Variants in CNOT10 observed in about 807,000 individuals in gnomAD.
CNOT10 encodes CCR4-NOT transcription complex, subunit 10.
A neutral mutation model predicts 94.6 loss-of-function variants in CNOT10; 30 were observed. The observed-to-expected ratio is 0.32, with a 90% CI of 0.24 to 0.43. The LOEUF (loss-of-function observed/expected upper bound fraction) is 0.43. Among genes scored for constraint, CNOT10 ranks in the 20% least tolerant of loss-of-function variants. The pLI, the probability that CNOT10 is intolerant of heterozygous loss-of-function variation, is 1.00. For missense variants in CNOT10, 759 were observed against 877.2 expected (o/e 0.87, Z 1.70); for synonymous variants, 289 against 301.6 (o/e 0.96, Z 0.43).
At chr3:32,756,240 C>G (rs1168686448) in intron 13 of CNOT10, among the ~76,000 whole-genome samples, 1 of 152,144 alleles carries the variant, frequency 6.6e-6, no homozygotes, top group Non-Finnish European at 1.5e-5. Flanking sequence ...CCTGATGGCT[C>G]TTAATCAGAA....
At chr3:32,716,648 G>GT (rs1698135593) in intron 6 of CNOT10, among the ~76,000 whole-genome samples, 1 of 151,912 alleles carries the variant, frequency 6.6e-6, no homozygotes, top group African/African-American at 2.4e-5. Context: ...GAGTATTTAA[G>GT]TTTTTTGTTT....
intron 11 of CNOT10, among the ~76,000 whole-genome samples, chr3:32,734,487 C>T (rs1461340561): frequency 4.6e-5 from 7 of 152,096 alleles, no homozygotes; most frequent in African/African-American, 1.4e-4. Context: ...TTACAGTTGC[C>T]CTTGTCTGCA....
intron 1 of CNOT10, among the ~76,000 whole-genome samples, chr3:32,687,495 A>T (rs1391969344): frequency 9.2e-6 from 1 of 109,188 alleles, no homozygotes; most frequent in Non-Finnish European, 1.7e-5. Flanking sequence ...TCTGTCACCC[A>T]GGCTGGAGTG....
At position 32,762,882 on chromosome 3, in the gene CNOT10, G is replaced by A; in HGVS notation, c.1840+19G>A. The A allele has an allele frequency of 5.3e-6, 8 of 1,516,878 alleles. No individual in the cohort carries two copies. Among genetic ancestry groups the A allele is most frequent in the Non-Finnish European group, 7.0e-6 (8 of 1,142,946 alleles). 94.0% of individuals were successfully genotyped at this position (1,516,878 alleles called of 1,614,324 possible). On this transcript the variant is annotated intron_variant, in intron 15 of 18. Coordinates refer to ENST00000328834, the MANE Select transcript of CNOT10 (RefSeq NM_015442.3). ...GACCAAGGTTAATGAGGACATCTTT[G>A]ATCAGAACTGGTCACTGTTTCCATT...
chr3:32,700,468 G>A (rs1380142343), intron 1 of CNOT10, among the ~76,000 whole-genome samples: 1 of 152,186 alleles, frequency 6.6e-6, no homozygotes, highest in Non-Finnish European at 1.5e-5. Flanking sequence ...AAAATTGTCT[G>A]TACGTCACTG....
At chr3:32,759,317 T>C in intron 13 of CNOT10, 141 bp from the exon 14 acceptor site, 1 of 616,820 alleles carries the variant, frequency 1.6e-6, no homozygotes, top group Non-Finnish European at 2.9e-6. Context: ...ATCTAATTCT[T>C]ACCATTAGTA....
At chr3:32,764,623 G>T (rs1172434238) in intron 16 of CNOT10, 59 bp from the exon 17 acceptor site, 4 of 1,606,724 alleles carry the variant, frequency 2.5e-6, no homozygotes, top group Non-Finnish European at 2.6e-6. Flanking sequence ...CGATAGATTG[G>T]GTTGCTTCCT....
chr3:32,698,682 A>G (rs915227400), intron 1 of CNOT10, among the ~76,000 whole-genome samples: 3 of 152,222 alleles, frequency 2.0e-5, no homozygotes, highest in African/African-American at 7.2e-5. Flanking sequence ...TCTTTTAATT[A>G]TGTCATATTG....
intron 18 of CNOT10, among the ~76,000 whole-genome samples, chr3:32,771,698 A>C (rs533665182): frequency 6.6e-6 from 1 of 152,304 alleles, no homozygotes; most frequent in African/African-American, 2.4e-5. Flanking sequence ...GTATCCTACA[A>C]ATACTCCTTA....
chr3:32,718,661 T>TTA (rs1425254547), intron 7 of CNOT10, among the ~76,000 whole-genome samples: 3 of 150,588 alleles, frequency 2.0e-5, no homozygotes, highest in South Asian at 4.2e-4. Context: ...AATTGAAAAT[T>TTA]AATAGTCATC....
At chr3:32,732,822 A>G (rs1358102509) in intron 10 of CNOT10, among the ~76,000 whole-genome samples, 2 of 152,196 alleles carry the variant, frequency 1.3e-5, no homozygotes, top group Admixed American at 6.6e-5. Flanking sequence ...ATCTTAATCA[A>G]ATATCCTAAA....
At chr3:32,762,932 T>C in intron 15 of CNOT10, 69 bp downstream of exon 15, 1 of 1,426,888 alleles carries the variant, frequency 7.0e-7, no homozygotes. Flanking sequence ...ATTCAGGATG[T>C]GTGGAAATTT....
chr3:32,692,985 A>G (rs1027800945), intron 1 of CNOT10, among the ~76,000 whole-genome samples: 2 of 152,194 alleles, frequency 1.3e-5, no homozygotes, highest in Admixed American at 6.5e-5. Flanking sequence ...TCGAAGCTAC[A>G]GTGAGCCGTG....
chr3:32,759,585 G>T lies in CNOT10; in HGVS notation c.1709+14G>T, dbSNP rs777187013. The T allele has an allele frequency of 2.2e-5, 35 of 1,567,344 alleles. No individual in the cohort carries two copies. Among genetic ancestry groups the T allele is most frequent in the Admixed American group, 1.0e-4 (6 of 59,612 alleles). On this transcript the variant is annotated intron_variant, in intron 14 of 18. Coordinates refer to ENST00000328834, the MANE Select transcript of CNOT10 (RefSeq NM_015442.3). ...AGGATCTCTTAAGTAAGTGTGACTT[G>T]CCCTGTGTGTCCCTGGTTTCTTTAG...
chr3:32,725,439 A>AT lies in CNOT10; in HGVS notation c.863-4dup, dbSNP rs754843838. 2.5e-6 allele frequency: 4 copies of AT among 1,611,614 alleles called. No homozygotes were observed. The highest frequency in any genetic ancestry group is 2.7e-5 in the African/African-American group (2 of 74,784). On this transcript the variant is annotated splice_polypyrimidine_tract_variant and intron_variant, in intron 8 of 18. Transcript: ENST00000328834. ...TTTTTCTGTGGACAAATTTATTTGC[A>AT]TTTTTTTCAGGTGAATGCTTGAGAT... is the stretch of plus-strand genomic sequence containing the variant.
intron 1 of CNOT10, among the ~76,000 whole-genome samples, chr3:32,703,221 G>GC (rs1322676146): frequency 6.6e-6 from 1 of 151,956 alleles, no homozygotes; most frequent in Non-Finnish European, 1.5e-5. Context: ...ACCGTGCCTG[G>GC]CAACATTAAT....
At chr3:32,697,287 C>T (rs1184774222) in intron 1 of CNOT10, among the ~76,000 whole-genome samples, 1 of 152,046 alleles carries the variant, frequency 6.6e-6, no homozygotes, top group Non-Finnish European at 1.5e-5. Context: ...ACAGCAGTGG[C>T]CACATGAACT....
chr3:32,757,710 T>C (rs969973391), intron 13 of CNOT10, among the ~76,000 whole-genome samples: 1 of 152,140 alleles, frequency 6.6e-6, no homozygotes, highest in Non-Finnish European at 1.5e-5. Flanking sequence ...ATAACTAGCC[T>C]CCTGCCTCTG....
intron 1 of CNOT10, among the ~76,000 whole-genome samples, chr3:32,703,326 C>T (rs1697459607): frequency 6.6e-6 from 1 of 152,144 alleles, no homozygotes; most frequent in Non-Finnish European, 1.5e-5. Flanking sequence ...TAGTCCCCCA[C>T]CTTTTCCTCA....
Sources: allele counts gnomAD v4.1 joint callset (sites outside exome capture counted in the v4.1 genomes callset), GRCh38; gene constraint gnomAD v4.1.1; transcripts MANE v1.5; gene names NCBI Gene and HGNC (gene_info 2026-07-23, HGNC 2026-07-21).